BUB1: variants seen among roughly 807,000 people sequenced by gnomAD.
BUB1 encodes BUB1 mitotic checkpoint serine/threonine kinase.
BUB1 carries 84 observed loss-of-function variants against 135.2 expected under a neutral mutation model. The ratio of observed to expected loss-of-function variants is 0.62; its 90% CI spans 0.52 to 0.74. The LOEUF is 0.74. Ranked by LOEUF, BUB1 falls within the 30% of genes least tolerant of loss-of-function variation. The probability of loss-of-function intolerance (pLI) is 0.00; values close to 1 mark genes in which losing one functional copy is unlikely to be tolerated. For synonymous variants in BUB1, 403 were observed against 434.4 expected, an observed-to-expected ratio of 0.93 and a Z score of 0.90; for missense variants, 1,162 against 1,288.3, an observed-to-expected ratio of 0.90 and a Z score of 1.50.
chr2:110,650,667 G>A lies in BUB1; in HGVS notation c.2082C>T (p.Gly694=), dbSNP rs748081729. The A allele has an allele frequency of 6.8e-6, 11 of 1,613,858 alleles. No homozygotes were observed. The highest frequency in any genetic ancestry group is 4.0e-5 in the African/African-American group (3 of 74,896). The change falls in exon 18 of 25, where the codon GGC becomes GGT. Residue 694 remains glycine, a synonymous_variant. Transcript: ENST00000302759. ...GGVLTCEAEL[G]VEACRLTDTD... Reference sequence around the variant, plus strand: ...TGTCTGTGAGTCTGCAAGCCTCAACGCCCAACTCTGCCTCACAGGTAAGTA... The same window carrying A: ...TGTCTGTGAGTCTGCAAGCCTCAACACCCAACTCTGCCTCACAGGTAAGTA...
chr2:110,670,687 G>T, intron 4 of BUB1, 119 bp from the exon 5 acceptor site: 1 of 973,828 alleles, frequency 1.0e-6, no homozygotes, highest in South Asian at 1.8e-5. Context: ...GACGTCAAGA[G>T]AGAATGTACA....
chr2:110,650,477 T>C, intron 18 of BUB1, 69 bp downstream of exon 18: 1 of 1,484,692 alleles, frequency 6.7e-7, no homozygotes, highest in Non-Finnish European at 9.3e-7. Flanking sequence ...TGTGGGTTTC[T>C]TTCATGGGAC....
chr2:110,649,137 A>T, intron 19 of BUB1, 97 bp downstream of exon 19: 1 of 1,229,470 alleles, frequency 8.1e-7, no homozygotes, highest in Admixed American at 2.5e-5. Context: ...TTGGGGGGCA[A>T]ATAGGAGAAT....
At chr2:110,659,021 A>G (rs969709614) in intron 11 of BUB1, among the ~76,000 whole-genome samples, 1 of 152,236 alleles carries the variant, frequency 6.6e-6, no homozygotes, top group African/African-American at 2.4e-5. Flanking sequence ...CAACTTTGTC[A>G]TAAATTATAC....
intron 1 of BUB1, 27 bp downstream of exon 1, chr2:110,677,925 GCCCCAGCCCCCTGGGCTT>G (rs1690637681): frequency 6.3e-7 from 1 of 1,589,204 alleles, no homozygotes; most frequent in East Asian, 2.3e-5. Flanking sequence ...AACCCCAGGC[GCCCCAGCCCCCTGGGCTT>G]CCCCACCCCA....
chr2:110,657,728 A>G, intron 13 of BUB1, 83 bp from the exon 14 acceptor site: 1 of 976,844 alleles, frequency 1.0e-6, no homozygotes. Flanking sequence ...CAAATAAGAA[A>G]AAGGACTAAC....
intron 14 of BUB1, 85 bp from the exon 15 acceptor site, chr2:110,657,202 C>G (rs952953849): frequency 1.7e-6 from 2 of 1,158,374 alleles, no homozygotes; most frequent in Middle Eastern, 2.0e-4. Flanking sequence ...AAGTTCTCTA[C>G]TTATCCTATT....
intron 1 of BUB1, among the ~76,000 whole-genome samples, chr2:110,675,753 G>C (rs1690562343): frequency 6.6e-6 from 1 of 152,106 alleles, no homozygotes; most frequent in African/African-American, 2.4e-5. Context: ...TTGTGTTCAA[G>C]AGATCCTCCT....
intron 16 of BUB1, 78 bp downstream of exon 16, chr2:110,655,661 C>A: frequency 7.6e-7 from 1 of 1,309,676 alleles, no homozygotes; most frequent in Non-Finnish European, 1.0e-6. Flanking sequence ...AAGAAAACTA[C>A]AAGAATCAAA....
At chr2:110,658,057 T>A (rs1574325387) in intron 13 of BUB1, among the ~76,000 whole-genome samples, 1 of 152,174 alleles carries the variant, frequency 6.6e-6, no homozygotes, top group South Asian at 2.1e-4. Flanking sequence ...CTAGCATGAA[T>A]CCCCTGACTC....
At chr2:110,665,196 T>A (rs1274852906) in intron 9 of BUB1, among the ~76,000 whole-genome samples, 1 of 152,224 alleles carries the variant, frequency 6.6e-6, no homozygotes, top group Non-Finnish European at 1.5e-5. Flanking sequence ...AAGTCTTATT[T>A]ATGTAGAACG....
intron 9 of BUB1, among the ~76,000 whole-genome samples, chr2:110,665,222 AT>A (rs1690212374): frequency 6.6e-6 from 1 of 152,226 alleles, no homozygotes; most frequent in Non-Finnish European, 1.5e-5. Flanking sequence ...TTGTATTCAT[AT>A]TTATGTGTTT....
rs1690258109 is a variant in BUB1 at position 110,666,427 on chromosome 2, T to C, written c.806-13A>G. 8 of 1,361,768 alleles carry C rather than the reference T, an allele frequency of 5.9e-6. No individual in the cohort carries two copies. 84.4% of individuals were successfully genotyped at this position (1,361,768 alleles called of 1,614,324 possible). A position where few individuals can be genotyped will look rare whatever the true frequency, so the allele number is the denominator to read the frequency against. ...CTGTCTTCATTTACTTTAGGAAAGA[T>C]AGAAATGGTTTGCATGCAAAATTTA... On this transcript the variant is annotated splice_polypyrimidine_tract_variant and intron_variant, in intron 8 of 24. Coordinates refer to ENST00000302759, the MANE Select transcript of BUB1 (RefSeq NM_004336.5).
At chr2:110,656,990 G>A (rs1467150188) in intron 15 of BUB1, 46 bp downstream of exon 15, 19 of 1,397,960 alleles carry the variant, frequency 1.4e-5, no homozygotes, top group African/African-American at 2.9e-5. Flanking sequence ...AGAATAAAGC[G>A]GATGGGTTGT....
chr2:110,663,804 G>A (rs895974978), intron 9 of BUB1, among the ~76,000 whole-genome samples: 9 of 152,138 alleles, frequency 5.9e-5, no homozygotes, highest in Non-Finnish European at 7.4e-5. Flanking sequence ...CAAGGTGGGC[G>A]GATCACGAGG....
At chr2:110,670,276 C>T (rs1480221319) in intron 5 of BUB1, among the ~76,000 whole-genome samples, 1 of 151,784 alleles carries the variant, frequency 6.6e-6, no homozygotes, top group Admixed American at 6.6e-5. Flanking sequence ...GTAGCCAGGA[C>T]TACAGATGCC....
At chr2:110,676,093 C>T (rs1485046691) in intron 1 of BUB1, among the ~76,000 whole-genome samples, 2 of 151,300 alleles carry the variant, frequency 1.3e-5, no homozygotes, top group African/African-American at 2.4e-5. Flanking sequence ...TGGCAAATAA[C>T]CAAAACAAAC....
At chr2:110,639,289 A>C (rs1474294732) in intron 24 of BUB1, among the ~76,000 whole-genome samples, 1 of 151,970 alleles carries the variant, frequency 6.6e-6, no homozygotes, top group Non-Finnish European at 1.5e-5. Flanking sequence ...CCTGTGAGAG[A>C]GAGCTATTCA....
In BUB1 at chr2:110,667,666, A is replaced by T. The variant is rs1801615; in HGVS notation, c.660T>A (p.Ser220=). ...CTTTGGATGCCAAAGATGAGTGCAC[A>T]GAATATTCTGATTTAGAAATCGTGA... ...RVITISKSEY[S]VHSSLASKVD... The change falls in exon 8 of 25, where the codon TCT becomes TCA. Residue 220 remains serine, a synonymous_variant. Coordinates refer to ENST00000302759, the MANE Select transcript of BUB1 (RefSeq NM_004336.5). The T allele has an allele frequency of 1.9e-6, 3 of 1,613,480 alleles. No individual in the cohort carries two copies. Among genetic ancestry groups the T allele is most frequent in the Non-Finnish European group, 2.5e-6 (3 of 1,179,884 alleles).
Sources: allele counts gnomAD v4.1 joint callset (sites outside exome capture counted in the v4.1 genomes callset), GRCh38; gene constraint gnomAD v4.1.1; transcripts MANE v1.5; gene names NCBI Gene and HGNC (gene_info 2026-07-23, HGNC 2026-07-21).